Variants in RREB1 observed in about 807,000 individuals in gnomAD.
RREB1 encodes ras-responsive element-binding protein 1.
A neutral mutation model predicts 117.8 loss-of-function variants in RREB1; 27 were observed. That is an observed-to-expected ratio of 0.23 (90% CI 0.17 to 0.32). The LOEUF is 0.32. RREB1 is among the 10% of genes least tolerant of loss of function. RREB1 has a pLI of 1.00. For synonymous variants in RREB1, 1,298 were observed against 1,026.7 expected, an observed-to-expected ratio of 1.26 and a Z score of -5.05; for missense variants, 2,577 against 2,378.2, an observed-to-expected ratio of 1.08 and a Z score of -1.74.
At chr6:7,172,053 C>A (rs1180352992) in intron 1 of RREB1, among the ~76,000 whole-genome samples, 1 of 151,988 alleles carries the variant, frequency 6.6e-6, no homozygotes, top group Non-Finnish European at 1.5e-5. Context: ...TCATGCAATC[C>A]TCCTGCCTCA....
At chr6:7,220,049 G>A (rs1044509660) in intron 8 of RREB1, among the ~76,000 whole-genome samples, 2 of 152,140 alleles carry the variant, frequency 1.3e-5, no homozygotes, top group Non-Finnish European at 2.9e-5. Context: ...TCTACCCTGA[G>A]AACTGCTAGA....
chr6:7,242,360 C>T (rs754823022), intron 11 of RREB1, among the ~76,000 whole-genome samples: 3 of 152,122 alleles, frequency 2.0e-5, no homozygotes, highest in Non-Finnish European at 2.9e-5. Flanking sequence ...GTCCAAATCC[C>T]AACAAAGCCC....
At chr6:7,202,357 G>A (rs568464846) in intron 6 of RREB1, among the ~76,000 whole-genome samples, 1 of 152,284 alleles carries the variant, frequency 6.6e-6, no homozygotes, top group South Asian at 2.1e-4. Context: ...AAGTAACTAG[G>A]TCCTGCCTTC....
chr6:7,230,171 G>A lies in RREB1; in HGVS notation c.2072G>A (p.Arg691His), dbSNP rs115829227. Residue 691 changes from arginine to histidine, a missense_variant, in exon 10 of 13, where the codon CGC becomes CAC. By Grantham distance (29) the Arg-to-His change is conservative (BLOSUM62 0). Transcript: ENST00000379938. ...ADKAALIRHL[R>H]THSGERPYIC... is the part of the protein sequence containing the mutation. Reference sequence around the variant, plus strand: ...AAGGCCGCGCTCATCCGCCACCTGCGCACGCACAGTGGGGAGCGGCCCTAC... The same window carrying A: ...AAGGCCGCGCTCATCCGCCACCTGCACACGCACAGTGGGGAGCGGCCCTAC... 1.9e-6 allele frequency: 3 copies of A among 1,607,048 alleles called. No homozygotes were observed. Among genetic ancestry groups the A allele is most frequent in the African/African-American group, 1.3e-5 (1 of 75,050 alleles).
In RREB1 at chr6:7,211,695, A is replaced by G. The variant is rs753643650; in HGVS notation, c.693A>G (p.Ser231=). 54 of 1,614,058 alleles carry G rather than the reference A, an allele frequency of 3.3e-5. No individual in the cohort carries two copies. Among genetic ancestry groups the G allele is most frequent in the Non-Finnish European group, 4.3e-5 (51 of 1,179,986 alleles). The part of the protein sequence containing the change: ...YGLETHMETH[S]DNPLRCDICC... ...TGGAGACCCACATGGAGACCCATTC[A>G]GATAACCCACTAAGGTAGGAGAAAG... Residue 231 remains serine, a synonymous_variant, in exon 8 of 13, where the codon TCA becomes TCG. Transcript: ENST00000379938.
In RREB1 at chr6:7,229,523, A is replaced by G. The variant is rs201591635; in HGVS notation, c.1424A>G (p.Lys475Arg). 34 of 1,614,114 alleles carry G rather than the reference A, an allele frequency of 2.1e-5. No homozygotes were observed. Among genetic ancestry groups the G allele is most frequent in the Non-Finnish European group, 9.3e-6 (11 of 1,180,014 alleles). The change falls in exon 10 of 13, where the codon AAG becomes AGG. Residue 475 changes from lysine (K) to arginine (R), a missense_variant. Physicochemically the swap from Lys to Arg is conservative, Grantham distance 26 (BLOSUM62 2). Transcript: ENST00000379938. The surrounding 1 kb of genome is among the most constrained non-coding windows in gnomAD (Gnocchi z 4.5). ...CTGGCAGACATCCAGCAAATTCTGA[A>G]GATGGCAGCCTCGGCTCCCCCTCAG... ...IELADIQQIL[K>R]MAASAPPQIS...
intron 1 of RREB1, among the ~76,000 whole-genome samples, chr6:7,109,762 T>G (rs890434414): frequency 6.6e-6 from 1 of 152,236 alleles, no homozygotes; most frequent in Non-Finnish European, 1.5e-5. Flanking sequence ...TCTACACGGC[T>G]TCAGAGCCAG....
At chr6:7,172,864 G>A (rs1283876977) in intron 1 of RREB1, among the ~76,000 whole-genome samples, 3 of 152,206 alleles carry the variant, frequency 2.0e-5, no homozygotes, top group African/African-American at 7.2e-5. Context: ...AGCTTTGCAG[G>A]CAGAACAGGC....
At position 7,246,253 on chromosome 6, in the gene RREB1, T is replaced by C. The variant is rs967879620; in HGVS notation, c.3974-171T>C. On this transcript the variant is annotated intron_variant, in intron 11 of 12. Transcript: ENST00000379938. ...CTTTCTTCACGTCCCCAGGGTCATC[T>C]TGGTCCTCCTGGGGGATGTAACAGG... Among the ~76,000 whole-genome samples the C allele has an allele frequency of 3.9e-5, 6 of 152,304 alleles. No individual in the cohort carries two copies. The South Asian group carries it at 1.0e-3, about 26-fold the overall frequency.
chr6:7,136,234 C>T (rs1157917729), intron 1 of RREB1, among the ~76,000 whole-genome samples: 1 of 152,144 alleles, frequency 6.6e-6, no homozygotes, highest in Non-Finnish European at 1.5e-5. Context: ...TCATCTGCAC[C>T]TTCTCTCTTG....
At chr6:7,175,552 G>A (rs937652305) in intron 1 of RREB1, among the ~76,000 whole-genome samples, 15 of 152,192 alleles carry the variant, frequency 9.9e-5, no homozygotes, top group East Asian at 1.9e-4. Flanking sequence ...GTTGTTTCTC[G>A]CCCGGTGTTG....
chr6:7,249,224 G>A lies in RREB1; in HGVS notation c.*256G>A, dbSNP rs1769305712. ...TACCGGATCCCTCCATATTATCATG[G>A]GTGTTGTATTTTTCCAAAATGACTT... On this transcript the variant is annotated 3_prime_UTR_variant, in exon 13 of 13. Transcript: ENST00000379938. 2.2e-6 allele frequency: 1 copy of A among 444,644 alleles called. No individual in the cohort carries two copies. Among genetic ancestry groups the A allele is most frequent in the Non-Finnish European group, 4.0e-6 (1 of 252,582 alleles). The allele number at this position is 444,644 out of a possible 1,614,324, so 27.5% of individuals were successfully genotyped here.
chr6:7,154,310 T>G (rs1271688043), intron 1 of RREB1, among the ~76,000 whole-genome samples: 1 of 152,178 alleles, frequency 6.6e-6, no homozygotes, highest in Non-Finnish European at 1.5e-5. Flanking sequence ...CCCTGCTGAA[T>G]CAGAAATGTG....
At chr6:7,190,921 A>G (rs1765370063) in intron 6 of RREB1, among the ~76,000 whole-genome samples, 1 of 152,182 alleles carries the variant, frequency 6.6e-6, no homozygotes, top group African/African-American at 2.4e-5. Flanking sequence ...GCCAGCTCCA[A>G]GTTGGCAGGG....
intron 1 of RREB1, among the ~76,000 whole-genome samples, chr6:7,151,534 G>C (rs1403766035): frequency 6.6e-6 from 1 of 152,232 alleles, no homozygotes; most frequent in Non-Finnish European, 1.5e-5. Context: ...ATTTCGCTGA[G>C]AACTGGTTTT....
At position 7,181,961 on chromosome 6, in the gene RREB1, T is replaced by C. The variant is rs1374284558; in HGVS notation, c.50T>C (p.Ile17Thr). 4 of 1,614,164 alleles carry C rather than the reference T, an allele frequency of 2.5e-6. No homozygotes were observed. The Admixed American group carries it at 6.7e-5, about 27-fold the overall frequency. ...TTGGAAGGTTCAGACCTATCTTCCATCAACACCATGATGTCGGCGGTCATG... is the reference window on the plus strand; with the variant it reads ...TTGGAAGGTTCAGACCTATCTTCCACCAACACCATGATGTCGGCGGTCATG... The part of the protein sequence containing the change: ...AGLEGSDLSS[I>T]NTMMSAVMSV... Residue 17 changes from isoleucine to threonine, a missense_variant, in exon 4 of 13, where the codon ATC (isoleucine) becomes ACC (threonine). Coordinates refer to ENST00000379938, the MANE Select transcript of RREB1 (RefSeq NM_001003699.4).
chr6:7,240,521 G>A lies in RREB1; in HGVS notation c.3892G>A (p.Gly1298Arg), dbSNP rs376763030. The A allele has an allele frequency of 1.1e-5, 18 of 1,613,676 alleles. No individual in the cohort carries two copies. The highest frequency in any genetic ancestry group is 5.3e-5 in the African/African-American group (4 of 74,868). The change falls in exon 11 of 13, where the codon GGA becomes AGA. Residue 1298 changes from glycine (G) to arginine (R), a missense_variant. Coordinates refer to ENST00000379938, the MANE Select transcript of RREB1 (RefSeq NM_001003699.4). ...NCERHQLRKHGVTTCSLRRNG... is the reference protein window; with the variant it reads ...NCERHQLRKHRVTTCSLRRNG... ...TGAACGCCACCAGTTGCGCAAACACGGAGTTACCACCTGTTCCCTGAGAAG... is the reference window on the plus strand; with the variant it reads ...TGAACGCCACCAGTTGCGCAAACACAGAGTTACCACCTGTTCCCTGAGAAG...
At chr6:7,110,283 G>A (rs1761072505) in intron 1 of RREB1, among the ~76,000 whole-genome samples, 1 of 152,172 alleles carries the variant, frequency 6.6e-6, no homozygotes, top group South Asian at 2.1e-4. Flanking sequence ...TTTCAAGTAG[G>A]CAGGTATAGT....
chr6:7,174,833 T>A (rs932067018), intron 1 of RREB1, among the ~76,000 whole-genome samples: 7 of 152,232 alleles, frequency 4.6e-5, no homozygotes, highest in Admixed American at 3.9e-4. Context: ...GGTCACAAAC[T>A]CCTGACCTCA....
Sources: gnomAD v4.1 joint callset for allele counts (sites outside exome capture counted in the v4.1 genomes callset) on GRCh38, gnomAD v4.1.1 for gene constraint, Gnocchi (gnomAD v3.1) non-coding constraint, MANE v1.5 for transcripts, NCBI Gene and HGNC (gene_info 2026-07-23, HGNC 2026-07-21) for gene names.